Variants in RFX6 observed in about 807,000 individuals in gnomAD.
RFX6 encodes regulatory factor X6.
Under a neutral mutation model 110.8 loss-of-function variants are expected in RFX6, and 50 were observed. That is an observed-to-expected ratio of 0.45 (90% CI 0.36 to 0.57). The LOEUF (loss-of-function observed/expected upper bound fraction) is 0.57. Among genes scored for constraint, RFX6 ranks in the 20% least tolerant of loss-of-function variants. The pLI is 0.00. For missense variants in RFX6, 990 were observed against 1,127.0 expected, an observed-to-expected ratio of 0.88 and a Z score of 1.74; for synonymous variants, 383 against 411.2, an observed-to-expected ratio of 0.93 and a Z score of 0.83.
intron 4 of RFX6, among the ~76,000 whole-genome samples, chr6:116,884,369 A>G (rs892198773): frequency 6.6e-6 from 1 of 152,148 alleles, no homozygotes; most frequent in African/African-American, 2.4e-5. Context: ...CTGTTGGTCG[A>G]TATATAATAG....
intron 4 of RFX6, among the ~76,000 whole-genome samples, chr6:116,892,686 G>A (rs1404293057): frequency 1.3e-5 from 2 of 152,138 alleles, no homozygotes; most frequent in African/African-American, 4.8e-5. Context: ...GTCTAAGAAT[G>A]CTAAATTCAT....
Position 116,915,769 on chromosome 6 carries a change from T to C in RFX6, c.781-239T>C, listed in dbSNP as rs138307357. ...ACTAGGATGTTACTTTGGTCCATAG[T>C]ACTCTGAAAAATTACCTTTTTCATA... On this transcript the variant is annotated intron_variant, in intron 7 of 18. Transcript: ENST00000332958. Among the ~76,000 whole-genome samples, 514 of 152,270 alleles carry C rather than the reference T, an allele frequency of 3.4e-3. 3 individuals are homozygous for C. Among genetic ancestry groups the C allele is most frequent in the African/African-American group, 0.012 (498 of 41,570 alleles).
At chr6:116,895,485 C>T (rs1411740768) in intron 6 of RFX6, among the ~76,000 whole-genome samples, 3 of 152,064 alleles carry the variant, frequency 2.0e-5, no homozygotes, top group Non-Finnish European at 4.4e-5. Flanking sequence ...AAAACACTAT[C>T]ATTTATCCAA....
intron 15 of RFX6, among the ~76,000 whole-genome samples, 158 bp downstream of exon 15, chr6:116,924,949 C>T (rs1376068555): frequency 6.6e-6 from 1 of 152,166 alleles, no homozygotes; most frequent in African/African-American, 2.4e-5. Flanking sequence ...ACTATTGGAG[C>T]ACTACTTTTC....
chr6:116,917,880 A>G (rs1179491857), intron 9 of RFX6, among the ~76,000 whole-genome samples, 157 bp from the exon 10 acceptor site: 2 of 152,158 alleles, frequency 1.3e-5, no homozygotes, highest in African/African-American at 4.8e-5. Context: ...CACAACTCAT[A>G]CATACATTCA....
At chr6:116,898,768 C>G (rs1775004976) in intron 6 of RFX6, among the ~76,000 whole-genome samples, 2 of 152,214 alleles carry the variant, frequency 1.3e-5, no homozygotes, top group Middle Eastern at 3.4e-3. Context: ...TTTTGCATTT[C>G]TCTCAGGAAT....
chr6:116,902,577 C>G (rs2114680268), intron 6 of RFX6, among the ~76,000 whole-genome samples: 1 of 152,084 alleles, frequency 6.6e-6, no homozygotes, highest in African/African-American at 2.4e-5. Context: ...ATTTTCTCCC[C>G]ATCAAAGAAA....
At chr6:116,911,920 A>C (rs1775360728) in intron 7 of RFX6, among the ~76,000 whole-genome samples, 1 of 152,216 alleles carries the variant, frequency 6.6e-6, no homozygotes, top group Non-Finnish European at 1.5e-5. Context: ...ATTTATTGGC[A>C]TATAAGTAGA....
intron 18 of RFX6, among the ~76,000 whole-genome samples, chr6:116,930,973 G>A (rs643550): frequency 0.24 from 36,918 of 151,962 alleles, 4,871 homozygotes; most frequent in South Asian, 0.42. Context: ...GGAGATCATG[G>A]GACCAGTCAG....
At chr6:116,923,252 C>T in intron 14 of RFX6, 28 bp downstream of exon 14, 1 of 1,001,958 alleles carries the variant, frequency 1.0e-6, no homozygotes, top group Non-Finnish European at 1.6e-6. Context: ...TAAAACTGTT[C>T]TTACATGAAT....
chr6:116,880,688 A>C (rs199687281), intron 3 of RFX6, 21 bp downstream of exon 3: 2 of 1,612,464 alleles, frequency 1.2e-6, no homozygotes, highest in Non-Finnish European at 1.7e-6. Context: ...CGTATTGGCT[A>C]TAGTGACTTA....
In RFX6 at chr6:116,929,667, C is replaced by T. The variant is rs979552429; in HGVS notation, c.2611+696C>T. Among the ~76,000 whole-genome samples, 10 of 152,238 alleles carry T rather than the reference C, an allele frequency of 6.6e-5. No homozygotes were observed. The South Asian group carries it at 2.1e-3, about 32-fold the overall frequency. ...ATTAGTAATAACATAGATTTAGTCA[C>T]TATAGATTTAGTTTCTAAAAATACT... is the stretch of plus-strand genomic sequence containing the variant. On this transcript the variant is annotated intron_variant, in intron 18 of 18. Coordinates refer to ENST00000332958, the MANE Select transcript of RFX6 (RefSeq NM_173560.4).
At chr6:116,910,611 C>G (rs533653991) in intron 6 of RFX6, among the ~76,000 whole-genome samples, 7 of 152,318 alleles carry the variant, frequency 4.6e-5, no homozygotes, top group African/African-American at 1.7e-4. Context: ...GTTTCAAAGG[C>G]AGATCTTCCT....
At position 116,916,063 on chromosome 6, in the gene RFX6, C is replaced by A; in HGVS notation, c.836C>A (p.Ala279Glu). 6.2e-7 allele frequency: 1 copy of A among 1,609,510 alleles called. No homozygotes were observed. Among genetic ancestry groups the A allele is most frequent in the Non-Finnish European group, 8.5e-7 (1 of 1,176,130 alleles). ...KTHCQCILDN[A>E]INGNFEEIQH... is the part of the protein sequence containing the mutation. Reference sequence around the variant, plus strand: ...CACTGCCAGTGTATCCTGGACAATGCAATTAATGGAAACTTTGAAGAGGTA... The same window carrying A: ...CACTGCCAGTGTATCCTGGACAATGAAATTAATGGAAACTTTGAAGAGGTA... The change falls in exon 8 of 19, where the codon GCA becomes GAA. Residue 279 changes from alanine to glutamate, a missense_variant. By Grantham distance (107) the Ala-to-Glu change is moderately radical. This residue lies in a region of RFX6 where 243 missense variants were observed against 353.1 expected (regional missense o/e 0.69). Coordinates refer to ENST00000332958, the MANE Select transcript of RFX6 (RefSeq NM_173560.4).
At chr6:116,914,823 A>C (rs1261827193) in intron 7 of RFX6, among the ~76,000 whole-genome samples, 1 of 152,236 alleles carries the variant, frequency 6.6e-6, no homozygotes, top group East Asian at 1.9e-4. Context: ...TGTACTATGG[A>C]TTATTCCAAA....
At chr6:116,890,043 A>AGG (rs1554195062) in intron 4 of RFX6, among the ~76,000 whole-genome samples, 1 of 151,612 alleles carries the variant, frequency 6.6e-6, no homozygotes, top group Admixed American at 6.6e-5. Context: ...AACAAGAATA[A>AGG]AGTGTGTGTG....
intron 7 of RFX6, among the ~76,000 whole-genome samples, chr6:116,913,684 A>T (rs1035236650): frequency 1.3e-5 from 2 of 152,214 alleles, no homozygotes; most frequent in African/African-American, 4.8e-5. Context: ...AGTTTTAAAA[A>T]TTTTGATGAT....
At chr6:116,887,974 C>T (rs1421350260) in intron 4 of RFX6, among the ~76,000 whole-genome samples, 2 of 152,172 alleles carry the variant, frequency 1.3e-5, no homozygotes, top group Non-Finnish European at 2.9e-5. Flanking sequence ...AGACTTTGAT[C>T]AGCCAAATCT....
chr6:116,896,796 A>G (rs924058581), intron 6 of RFX6, among the ~76,000 whole-genome samples: 2 of 152,208 alleles, frequency 1.3e-5, no homozygotes, highest in African/African-American at 4.8e-5. Context: ...ACGTCAGTTC[A>G]TTTGAACATT....
Sources: gnomAD v4.1 joint callset for allele counts (sites outside exome capture counted in the v4.1 genomes callset) on GRCh38, gnomAD v4.1.1 for gene constraint, gnomAD v4.1.1 regional missense constraint, MANE v1.5 for transcripts, NCBI Gene and HGNC (gene_info 2026-07-23, HGNC 2026-07-21) for gene names.